NDFIP2: variants seen among roughly 807,000 people sequenced by gnomAD.
NDFIP2 encodes the protein NEDD4 family-interacting protein 2.
Under a neutral mutation model 36.0 loss-of-function variants are expected in NDFIP2, and 19 were observed. The observed-to-expected ratio is 0.53, with a 90% CI of 0.37 to 0.77. The LOEUF is 0.77. Among genes scored for constraint, NDFIP2 ranks in the 30% least tolerant of loss-of-function variants. The pLI is 0.00. For synonymous variants in NDFIP2, 181 were observed against 167.7 expected (o/e 1.08, Z -0.61); for missense variants, 446 against 435.8 (o/e 1.02, Z -0.21).
At chr13:79,541,967 C>T (rs780622771) in intron 4 of NDFIP2, among the ~76,000 whole-genome samples, 3 of 152,142 alleles carry the variant, frequency 2.0e-5, no homozygotes, top group Non-Finnish European at 4.4e-5. Flanking sequence ...TGTAATAATG[C>T]TTTTGCTTCT....
chr13:79,539,903 C>T (rs1044190021), intron 4 of NDFIP2, 128 bp downstream of exon 4: 16 of 702,134 alleles, frequency 2.3e-5, no homozygotes, highest in South Asian at 3.5e-5. Flanking sequence ...TAAATTGTTC[C>T]TGATATTGGA....
intron 1 of NDFIP2, among the ~76,000 whole-genome samples, chr13:79,520,064 G>GT (rs1416037481): frequency 6.6e-6 from 1 of 152,166 alleles, no homozygotes; most frequent in Admixed American, 6.5e-5. Flanking sequence ...GCCTCCCAAT[G>GT]TGCTGGTATT....
At chr13:79,500,167 A>C (rs1398471516) in intron 1 of NDFIP2, among the ~76,000 whole-genome samples, 1 of 127,106 alleles carries the variant, frequency 7.9e-6, no homozygotes, top group Non-Finnish European at 1.6e-5. Context: ...ATCCCCATGC[A>C]AAAAAAAAAA....
At chr13:79,509,306 C>A (rs1334400277) in intron 1 of NDFIP2, among the ~76,000 whole-genome samples, 1 of 151,962 alleles carries the variant, frequency 6.6e-6, no homozygotes, top group Non-Finnish European at 1.5e-5. Context: ...AGAGTGGGGA[C>A]TTCAGGTCAT....
chr13:79,550,558 T>G (rs2137120172), intron 6 of NDFIP2, among the ~76,000 whole-genome samples: 1 of 151,758 alleles, frequency 6.6e-6, no homozygotes, highest in Non-Finnish European at 1.5e-5. Context: ...ACAGGCTTAT[T>G]GTTTTTTTCC....
At chr13:79,497,414 C>T (rs73551548) in intron 1 of NDFIP2, among the ~76,000 whole-genome samples, 6,499 of 151,932 alleles carry the variant, frequency 0.043, 483 homozygotes, top group African/African-American at 0.15. Flanking sequence ...GTGGCTTTAC[C>T]TTAGAATAAA....
intron 1 of NDFIP2, among the ~76,000 whole-genome samples, chr13:79,483,015 A>C (rs2079824434): frequency 6.6e-6 from 1 of 152,198 alleles, no homozygotes; most frequent in Non-Finnish European, 1.5e-5. Context: ...TCACTACCCA[A>C]AACACTGTTA....
chr13:79,486,073 T>C (rs1872971938), intron 1 of NDFIP2, among the ~76,000 whole-genome samples: 1 of 152,108 alleles, frequency 6.6e-6, no homozygotes, highest in African/African-American at 2.4e-5. Flanking sequence ...AACACAACTT[T>C]GTTTCATGCA....
chr13:79,508,053 G>C (rs943871469), intron 1 of NDFIP2, among the ~76,000 whole-genome samples: 6 of 152,044 alleles, frequency 3.9e-5, no homozygotes, highest in Non-Finnish European at 7.4e-5. Flanking sequence ...TTTTGAGCTT[G>C]CTTTATTCAT....
At chr13:79,497,562 G>T (rs1873479878) in intron 1 of NDFIP2, among the ~76,000 whole-genome samples, 1 of 150,412 alleles carries the variant, frequency 6.6e-6, no homozygotes. Context: ...AATTCTTTTT[G>T]TATTTTTGTC....
chr13:79,494,176 A>G (rs1002835026), intron 1 of NDFIP2, among the ~76,000 whole-genome samples: 4 of 152,064 alleles, frequency 2.6e-5, no homozygotes, highest in Admixed American at 1.3e-4. Context: ...CTTGGGTTCA[A>G]ATCTTGACTT....
At chr13:79,538,079 C>T (rs1216163858) in intron 3 of NDFIP2, among the ~76,000 whole-genome samples, 1 of 152,076 alleles carries the variant, frequency 6.6e-6, no homozygotes, top group Non-Finnish European at 1.5e-5. Context: ...CACTTTTAAA[C>T]AACCAGATCT....
At position 79,553,391 on chromosome 13, in the gene NDFIP2, A is replaced by C. The variant is rs1164809699; in HGVS notation, c.*878A>C. 1 of 151,432 alleles carries C rather than the reference A, an allele frequency of 6.6e-6. No individual in the cohort carries two copies. Among genetic ancestry groups the C allele is most frequent in the Non-Finnish European group, 1.5e-5 (1 of 67,426 alleles). The allele number at this position is 151,432 out of a possible 1,614,324, so 9.4% of individuals were successfully genotyped here. On this transcript the variant is annotated 3_prime_UTR_variant, in exon 8 of 8. Coordinates refer to ENST00000218652, the MANE Select transcript of NDFIP2 (RefSeq NM_019080.3). ...CTGCATTTTTAGGATTGCCCATCTTAAGAGATCTTGCAGGAAGAGATTGTA... is the reference window on the plus strand; with the variant it reads ...CTGCATTTTTAGGATTGCCCATCTTCAGAGATCTTGCAGGAAGAGATTGTA...
chr13:79,517,860 G>GT lies in NDFIP2; in HGVS notation c.322-2942dup, dbSNP rs529149372. On this transcript the variant is annotated intron_variant, in intron 1 of 7. Transcript: ENST00000218652. Reference sequence around the variant, plus strand: ...TTATGTATTCAATGTAGTAAAGAGTGTTTTTTTTGAGAAACTGGAAGAGTG... The same window carrying GT: ...TTATGTATTCAATGTAGTAAAGAGTGTTTTTTTTTGAGAAACTGGAAGAGTG... Among the ~76,000 whole-genome samples the GT allele has an allele frequency of 3.5e-4, 53 of 151,982 alleles. No individual in the cohort carries two copies. In the South Asian group the frequency reaches 3.5e-3, roughly 10 times the overall value.
intron 5 of NDFIP2, among the ~76,000 whole-genome samples, chr13:79,546,275 T>C (rs1875677264): frequency 6.6e-6 from 1 of 152,204 alleles, no homozygotes; most frequent in African/African-American, 2.4e-5. Flanking sequence ...TGAGCTGCGA[T>C]GAACCTCGGA....
chr13:79,551,688 ATAAG>A (rs1448829789), intron 7 of NDFIP2, among the ~76,000 whole-genome samples: 1 of 151,508 alleles, frequency 6.6e-6, no homozygotes, highest in Non-Finnish European at 1.5e-5. Context: ...TACAACTTGA[ATAAG>A]TAGGAATATG....
rs895139784 is a variant in NDFIP2, at chr13:79,507,484, C to T, written c.322-13326C>T. Reference sequence around the variant, plus strand: ...AGAGACGGGGTTTCACCGTTTTAGCCGGGATGGTCTCGATCTCCTGACCTC... The same window carrying T: ...AGAGACGGGGTTTCACCGTTTTAGCTGGGATGGTCTCGATCTCCTGACCTC... On this transcript the variant is annotated intron_variant, in intron 1 of 7. Transcript: ENST00000218652. Among the ~76,000 whole-genome samples, 8 of 67,996 alleles carry T rather than the reference C, an allele frequency of 1.2e-4. 4 individuals are homozygous for T. The highest frequency in any genetic ancestry group is 6.0e-4 in the African/African-American group (4 of 6,622). 44.6% of individuals were successfully genotyped at this position (67,996 alleles called of 152,430 possible). A position where few individuals can be genotyped will look rare whatever the true frequency, so the allele number is the denominator to read the frequency against.
intron 1 of NDFIP2, among the ~76,000 whole-genome samples, chr13:79,497,334 G>C (rs1873470537): frequency 6.6e-6 from 1 of 151,914 alleles, no homozygotes; most frequent in Non-Finnish European, 1.5e-5. Context: ...TCCATTCCAT[G>C]CTTCCTCTGG....
chr13:79,515,192 T>C (rs1254025171), intron 1 of NDFIP2, among the ~76,000 whole-genome samples: 1 of 152,206 alleles, frequency 6.6e-6, no homozygotes, highest in Non-Finnish European at 1.5e-5. Flanking sequence ...TATATAAACA[T>C]AGAACAAGTA....
Sources: gnomAD v4.1 joint callset for allele counts (sites outside exome capture counted in the v4.1 genomes callset) on GRCh38, gnomAD v4.1.1 for gene constraint, MANE v1.5 for transcripts, NCBI Gene and HGNC (gene_info 2026-07-23, HGNC 2026-07-21) for gene names.